Variants in CEP170 observed in about 807,000 individuals in gnomAD.
CEP170 encodes the protein centrosomal protein of 170 kDa.
Under a neutral mutation model 151.9 loss-of-function variants are expected in CEP170, and 21 were observed. The observed-to-expected ratio is 0.14, with a 90% CI of 0.10 to 0.20. The LOEUF is 0.20. Among genes scored for constraint, CEP170 ranks in the 10% least tolerant of loss-of-function variants. CEP170 has a pLI of 1.00. For missense variants in CEP170, 964 were observed against 1,892.9 expected, an observed-to-expected ratio of 0.51 and a Z score of 9.11; for synonymous variants, 356 against 648.8, an observed-to-expected ratio of 0.55 and a Z score of 6.86.
intron 2 of CEP170, among the ~76,000 whole-genome samples, chr1:243,224,242 C>T (rs1427187580): frequency 2.0e-5 from 3 of 152,074 alleles, no homozygotes; most frequent in Non-Finnish European, 4.4e-5. Context: ...AATGGGAAAA[C>T]CTTAGCTGAT....
chr1:243,223,768 T>C lies in CEP170; in HGVS notation c.105+1408A>G, dbSNP rs183813274. ...AAAGACAGTAACAATTCAAGAAGAG[T>C]AGTCAGGAACTCAAGGCAAAGAAGA... On this transcript the variant is annotated intron_variant, in intron 2 of 19. Coordinates refer to ENST00000366542, the MANE Select transcript of CEP170 (RefSeq NM_014812.3). Among the ~76,000 whole-genome samples the C allele has an allele frequency of 2.4e-3, 360 of 152,048 alleles. 1 individual carries two copies. The highest frequency in any genetic ancestry group is 8.5e-3 in the African/African-American group (352 of 41,478).
chr1:243,212,535 T>C (rs918099890), intron 3 of CEP170, among the ~76,000 whole-genome samples: 2 of 152,228 alleles, frequency 1.3e-5, no homozygotes, highest in Non-Finnish European at 2.9e-5. Context: ...GTTGAAATTC[T>C]GCCATTTTAT....
intron 4 of CEP170, among the ~76,000 whole-genome samples, chr1:243,206,658 AT>A (rs1385436002): frequency 6.6e-6 from 1 of 152,208 alleles, no homozygotes; most frequent in Non-Finnish European, 1.5e-5. Flanking sequence ...AAAAATATGT[AT>A]TTTAAAATAT....
At chr1:243,161,510 C>T (rs1306319732) in intron 13 of CEP170, among the ~76,000 whole-genome samples, 18 of 152,076 alleles carry the variant, frequency 1.2e-4, no homozygotes. Context: ...TCTCACTTGT[C>T]CAAGGCTGGA....
rs929027033 is a variant in CEP170 at position 243,126,500 on chromosome 1, G to C, written c.4704C>G (p.Phe1568Leu). 7 of 1,609,300 alleles carry C rather than the reference G, an allele frequency of 4.3e-6. No homozygotes were observed. The African/African-American group carries it at 6.7e-5, about 15-fold the overall frequency. ...CTTCCCCATCGGGGTTGAATCTATT[G>C]AAATGTATACTGAAATCAGCCTCAG... ...AESEADFSIH[F>L]NRFNPDGEEE... Residue 1568 changes from phenylalanine to leucine, a missense_variant, in exon 20 of 20, where the codon TTC becomes TTG. Physicochemically the swap from Phe to Leu is conservative, Grantham distance 22 (BLOSUM62 0). Coordinates refer to ENST00000366542, the MANE Select transcript of CEP170 (RefSeq NM_014812.3).
chr1:243,144,603 A>G (rs2056246165), intron 14 of CEP170, among the ~76,000 whole-genome samples: 1 of 152,222 alleles, frequency 6.6e-6, no homozygotes, highest in Non-Finnish European at 1.5e-5. Context: ...ATTTTTCATT[A>G]AGGATTTTTT....
chr1:243,237,718 T>C (rs1434519971), intron 1 of CEP170, among the ~76,000 whole-genome samples: 2 of 151,866 alleles, frequency 1.3e-5, no homozygotes, highest in Non-Finnish European at 2.9e-5. Flanking sequence ...ACCTGGCCAA[T>C]ATGGTGAAAC....
Position 243,211,978 on chromosome 1 carries a change from A to G in CEP170, c.196-14T>C, listed in dbSNP as rs773404879. On this transcript the variant is annotated splice_polypyrimidine_tract_variant and intron_variant, in intron 3 of 19. Transcript: ENST00000366542. ...ATTCACAAAAGTCTACAAGGAAACA[A>G]AAAAAGATGTTAGGTTACGTATGAG... 3.4e-6 allele frequency: 5 copies of G among 1,489,304 alleles called. No homozygotes were observed. In the East Asian group the frequency reaches 1.2e-4, roughly 35 times the overall value. 92.3% of individuals were successfully genotyped at this position (1,489,304 alleles called of 1,614,324 possible). A position where few individuals can be genotyped will look rare whatever the true frequency, so the allele number is the denominator to read the frequency against.
At chr1:243,234,977 C>G (rs1186994053) in intron 1 of CEP170, among the ~76,000 whole-genome samples, 3 of 152,110 alleles carry the variant, frequency 2.0e-5, no homozygotes, top group Admixed American at 6.5e-5. Flanking sequence ...AAAAATTCTT[C>G]AAGTTCGAGA....
intron 1 of CEP170, among the ~76,000 whole-genome samples, chr1:243,237,474 C>T (rs773274896): frequency 6.6e-6 from 1 of 152,118 alleles, no homozygotes; most frequent in African/African-American, 2.4e-5. Context: ...CCTTAAGGAT[C>T]GCTTTCGTTA....
Position 243,141,374 on chromosome 1 carries a change from C to A in CEP170, c.4059+942G>T, listed in dbSNP as rs535421982. ...ATAGATGATAGTTAAATAAGTGTGG[C>A]TGTGTTCTAATAAAACTTTATTTAT... On this transcript the variant is annotated intron_variant, in intron 15 of 19. Coordinates refer to ENST00000366542, the MANE Select transcript of CEP170 (RefSeq NM_014812.3). Among the ~76,000 whole-genome samples, 14 of 152,360 alleles carry A rather than the reference C, an allele frequency of 9.2e-5. No homozygotes were observed. The South Asian group carries it at 2.7e-3, about 29-fold the overall frequency.
intron 17 of CEP170, among the ~76,000 whole-genome samples, chr1:243,132,708 T>A (rs2054560950): frequency 6.6e-6 from 1 of 152,184 alleles, no homozygotes; most frequent in South Asian, 2.1e-4. Context: ...AAAATATTTT[T>A]CTTTGGGGGA....
At chr1:243,229,144 A>T (rs2063519150) in intron 1 of CEP170, among the ~76,000 whole-genome samples, 3 of 152,182 alleles carry the variant, frequency 2.0e-5, no homozygotes. Context: ...CTAAAACCTG[A>T]TTGGTGGTTT....
At chr1:243,254,723 T>G (rs952345858) in intron 1 of CEP170, among the ~76,000 whole-genome samples, 1 of 131,650 alleles carries the variant, frequency 7.6e-6, no homozygotes, top group Non-Finnish European at 1.6e-5. Context: ...TCAATGCACT[T>G]AGGGGATGCG....
rs2970434 is a variant in CEP170 at position 243,198,297 on chromosome 1, C to T, written c.631+763G>A. ...CTGGAAGTCTTGATTTTCTGGTTTACGGACTGAACCACTCCATTAACAATA... is the reference window on the plus strand; with the variant it reads ...CTGGAAGTCTTGATTTTCTGGTTTATGGACTGAACCACTCCATTAACAATA... On this transcript the variant is annotated intron_variant, in intron 7 of 19. Coordinates refer to ENST00000366542, the MANE Select transcript of CEP170 (RefSeq NM_014812.3). Among the ~76,000 whole-genome samples the T allele has an allele frequency of 8.5e-5, 13 of 152,188 alleles. No homozygotes were observed. The East Asian group carries it at 1.5e-3, about 18-fold the overall frequency.
intron 10 of CEP170, among the ~76,000 whole-genome samples, chr1:243,173,236 T>A (rs576672299): frequency 6.6e-6 from 1 of 151,674 alleles, no homozygotes; most frequent in South Asian, 2.1e-4. Context: ...AATTTTGTAT[T>A]TGTAGTAGAG....
chr1:243,141,562 T>G (rs900195034), intron 15 of CEP170, among the ~76,000 whole-genome samples: 1 of 152,228 alleles, frequency 6.6e-6, no homozygotes, highest in African/African-American at 2.4e-5. Context: ...CAGAAGTTCA[T>G]TCTTTTAAAT....
intron 1 of CEP170, among the ~76,000 whole-genome samples, chr1:243,233,741 A>AATATATAT (rs1303987181): frequency 1.4e-5 from 2 of 140,432 alleles, no homozygotes; most frequent in African/African-American, 5.3e-5. Flanking sequence ...TCAAAAAAAA[A>AATATATAT]ATATATATAT....
At position 243,124,737 on chromosome 1, in the gene CEP170, T is replaced by C. The variant is rs2053572394; in HGVS notation, c.*1712A>G. 1 of 152,628 alleles carries C rather than the reference T, an allele frequency of 6.6e-6. No individual in the cohort carries two copies. Among genetic ancestry groups the C allele is most frequent in the South Asian group, 2.1e-4 (1 of 4,832 alleles). 9.5% of individuals were successfully genotyped at this position (152,628 alleles called of 1,614,324 possible). A position where few individuals can be genotyped will look rare whatever the true frequency, so the allele number is the denominator to read the frequency against. On this transcript the variant is annotated 3_prime_UTR_variant, in exon 20 of 20. Coordinates refer to ENST00000366542, the MANE Select transcript of CEP170 (RefSeq NM_014812.3). ...TATTTTGTCCAACTTTTTCTTCAAATGGATTGACCCTGTTTTAACATTTCG... is the reference window on the plus strand; with the variant it reads ...TATTTTGTCCAACTTTTTCTTCAAACGGATTGACCCTGTTTTAACATTTCG...
Sources: allele counts gnomAD v4.1 joint callset (sites outside exome capture counted in the v4.1 genomes callset), GRCh38; gene constraint gnomAD v4.1.1; transcripts MANE v1.5; gene names NCBI Gene and HGNC (gene_info 2026-07-23, HGNC 2026-07-21).